Variants in KIAA0586 observed in about 807,000 individuals in gnomAD.
KIAA0586 encodes the protein KIAA0586.
In KIAA0586, 144 loss-of-function variants were observed where a neutral mutation model predicts 169.8. The observed-to-expected ratio is 0.85, with a 90% CI of 0.74 to 0.97. KIAA0586 has a LOEUF of 0.97. Ranked by LOEUF, KIAA0586 falls within the 50% of genes least tolerant of loss-of-function variation. The pLI, the probability that KIAA0586 is intolerant of heterozygous loss-of-function variation, is 0.00. For missense variants in KIAA0586, 1,854 were observed against 1,823.0 expected (o/e 1.02, Z -0.31); for synonymous variants, 625 against 612.4 (o/e 1.02, Z -0.30).
At chr14:58,529,607 A>G (rs1463476775) in intron 29 of KIAA0586, among the ~76,000 whole-genome samples, 1 of 152,200 alleles carries the variant, frequency 6.6e-6, no homozygotes, top group Non-Finnish European at 1.5e-5. Context: ...AACAAAAACC[A>G]TGTGATTATC....
At chr14:58,434,878 C>CT (rs1418321245) in intron 4 of KIAA0586, among the ~76,000 whole-genome samples, 3 of 151,968 alleles carry the variant, frequency 2.0e-5, no homozygotes, top group African/African-American at 4.8e-5. Context: ...TCAAGTAATC[C>CT]TACAACCTGA....
the KIAA0586 span, among the ~76,000 whole-genome samples, chr14:58,557,218 G>A: frequency 1.3e-5 from 2 of 152,210 alleles, no homozygotes; most frequent in Non-Finnish European, 2.9e-5. Flanking sequence ...GATTTGTCTT[G>A]GATGCATTTC....
chr14:58,539,592 A>T (rs1185518703), intron 29 of KIAA0586, among the ~76,000 whole-genome samples: 3 of 152,100 alleles, frequency 2.0e-5, no homozygotes, highest in Non-Finnish European at 4.4e-5. Flanking sequence ...CTTTGCTATA[A>T]TAGTGTATTG....
At chr14:58,511,631 G>C (rs1345730871) in intron 28 of KIAA0586, among the ~76,000 whole-genome samples, 1 of 152,054 alleles carries the variant, frequency 6.6e-6, no homozygotes, top group South Asian at 2.1e-4. Context: ...TATTTCCTTC[G>C]AGGCAGAAAC....
Position 58,430,735 on chromosome 14 carries a change from A to AT in KIAA0586, c.340+25dup, listed in dbSNP as rs770708728. 7.7e-6 allele frequency: 11 copies of AT among 1,426,678 alleles called. No homozygotes were observed. Among genetic ancestry groups the AT allele is most frequent in the African/African-American group, 1.4e-5 (1 of 70,598 alleles). The allele number at this position is 1,426,678 out of a possible 1,614,324, so 88.4% of individuals were successfully genotyped here. ...GCAAAAAGGTAAAAGAATAATATTG[A>AT]TTTTTTTAAATTGTGACAACATATA... On this transcript the variant is annotated intron_variant, in intron 3 of 30. Coordinates refer to ENST00000652326, the MANE Select transcript of KIAA0586 (RefSeq NM_001329943.3).
At chr14:58,481,146 G>A (rs181643811) in intron 20 of KIAA0586, among the ~76,000 whole-genome samples, 12 of 152,284 alleles carry the variant, frequency 7.9e-5, no homozygotes, top group East Asian at 7.7e-4. Context: ...TACTTACCCC[G>A]TCAACAAGTG....
intron 2 of KIAA0586, 105 bp from the exon 3 acceptor site, chr14:58,430,543 T>C (rs1335222314): frequency 7.7e-6 from 5 of 649,006 alleles, no homozygotes; most frequent in Non-Finnish European, 1.4e-5. Context: ...AAATACACAG[T>C]CCTGCCCTCC....
Position 58,487,155 on chromosome 14 carries a change from G to A in KIAA0586, c.3293G>A (p.Cys1098Tyr). 6.2e-7 allele frequency: 1 copy of A among 1,607,594 alleles called. No individual in the cohort carries two copies. Among genetic ancestry groups the A allele is most frequent in the Non-Finnish European group, 8.5e-7 (1 of 1,178,098 alleles). Residue 1098 changes from cysteine (C) to tyrosine (Y), a missense_variant, in exon 22 of 31, where the codon TGT becomes TAT. By Grantham distance (194) the Cys-to-Tyr change is radical (BLOSUM62 -2). Coordinates refer to ENST00000652326, the MANE Select transcript of KIAA0586 (RefSeq NM_001329943.3). ...ATGGCTTTTCCTGTGAAAGAAATAT[G>A]TGCTGAAAAAGGTAGAAACTTTATT... ...HDMAFPVKEI[C>Y]AEKGDDMPAI...
intron 24 of KIAA0586, 109 bp downstream of exon 24, chr14:58,488,983 A>G (rs2042657278): frequency 8.2e-7 from 1 of 1,219,244 alleles, no homozygotes; most frequent in Admixed American, 2.4e-5. Flanking sequence ...TTAACATGGT[A>G]TAGTAGAAAG....
intron 27 of KIAA0586, among the ~76,000 whole-genome samples, chr14:58,500,764 A>T (rs1307022219): frequency 6.6e-6 from 1 of 151,078 alleles, no homozygotes; most frequent in Non-Finnish European, 1.5e-5. Flanking sequence ...GTACTTCAGC[A>T]CTAAGGGGCC....
chr14:58,550,835 A>G lies in KIAA0586; in HGVS notation c.*2903A>G, dbSNP rs1407668110. ...GGTGACAGAATGAGACCGTGTCTCAAAAAAAAAAAAAAAAAAATTGCTGAG... is the reference window on the plus strand; with the variant it reads ...GGTGACAGAATGAGACCGTGTCTCAGAAAAAAAAAAAAAAAAATTGCTGAG... On this transcript the variant is annotated 3_prime_UTR_variant, in exon 31 of 31. Coordinates refer to ENST00000652326, the MANE Select transcript of KIAA0586 (RefSeq NM_001329943.3). 8.6e-6 allele frequency: 1 copy of G among 116,134 alleles called. No individual in the cohort carries two copies. Among genetic ancestry groups the G allele is most frequent in the South Asian group, 2.8e-4 (1 of 3,514 alleles). 7.2% of individuals were successfully genotyped at this position (116,134 alleles called of 1,614,324 possible). A position where few individuals can be genotyped will look rare whatever the true frequency, so the allele number is the denominator to read the frequency against.
rs540382794 is a variant in KIAA0586, at chr14:58,472,935, G to T, written c.2634+656G>T. On this transcript the variant is annotated intron_variant, in intron 18 of 30. Coordinates refer to ENST00000652326, the MANE Select transcript of KIAA0586 (RefSeq NM_001329943.3). Reference sequence around the variant, plus strand: ...GGTGTGCAGTATATTAATGTTATTCGCTCACAGATATGTCTTTTCTCATGT... The same window carrying T: ...GGTGTGCAGTATATTAATGTTATTCTCTCACAGATATGTCTTTTCTCATGT... Among the ~76,000 whole-genome samples, 6 of 139,332 alleles carry T rather than the reference G, an allele frequency of 4.3e-5. No individual in the cohort carries two copies. In the Admixed American group the frequency reaches 4.7e-4, roughly 11 times the overall value. The allele number at this position is 139,332 out of a possible 152,430, so 91.4% of individuals were successfully genotyped here. A position where few individuals can be genotyped will look rare whatever the true frequency, so the allele number is the denominator to read the frequency against.
chr14:58,527,555 C>T (rs1366938556), intron 29 of KIAA0586, among the ~76,000 whole-genome samples: 3 of 152,150 alleles, frequency 2.0e-5, no homozygotes, highest in Admixed American at 6.5e-5. Context: ...CAATATTCAG[C>T]AGTCTTAAAT....
chr14:58,521,326 C>T, intron 29 of KIAA0586: 1 of 1,073,856 alleles, frequency 9.3e-7, no homozygotes, highest in Non-Finnish European at 1.4e-6. Context: ...GATGTGGAGG[C>T]AGTCTTTTCA....
intron 16 of KIAA0586, among the ~76,000 whole-genome samples, chr14:58,470,202 T>C (rs2140982904): frequency 6.6e-6 from 1 of 152,190 alleles, no homozygotes; most frequent in South Asian, 2.1e-4. Context: ...AATTAAGACA[T>C]GTTTGTTGAA....
At chr14:58,502,703 G>C (rs2043659184) in intron 27 of KIAA0586, among the ~76,000 whole-genome samples, 1 of 152,102 alleles carries the variant, frequency 6.6e-6, no homozygotes, top group Admixed American at 6.5e-5. Flanking sequence ...AATAATGCTT[G>C]GAGTATGAAA....
intron 20 of KIAA0586, 136 bp from the exon 21 acceptor site, chr14:58,482,377 G>A (rs2042093076): frequency 1.7e-6 from 1 of 601,296 alleles, no homozygotes; most frequent in Non-Finnish European, 2.5e-6. Flanking sequence ...AGTGAGCCAA[G>A]ATCACATCAT....
At chr14:58,482,351 G>A (rs1465851947) in intron 20 of KIAA0586, among the ~76,000 whole-genome samples, 162 bp from the exon 21 acceptor site, 4 of 152,074 alleles carry the variant, frequency 2.6e-5, no homozygotes, top group Middle Eastern at 6.8e-3. Context: ...GCTTGAATCT[G>A]GGAGGTGGCA....
At chr14:58,538,842 C>A (rs1346081130) in intron 29 of KIAA0586, among the ~76,000 whole-genome samples, 1 of 152,060 alleles carries the variant, frequency 6.6e-6, no homozygotes, top group Non-Finnish European at 1.5e-5. Flanking sequence ...GGCAGTGGCA[C>A]CATCTTGGCT....
Sources: gnomAD v4.1 joint callset for allele counts (sites outside exome capture counted in the v4.1 genomes callset) on GRCh38, gnomAD v4.1.1 for gene constraint, MANE v1.5 for transcripts, NCBI Gene and HGNC (gene_info 2026-07-23, HGNC 2026-07-21) for gene names.